The following LYRM4 variants were observed in gnomAD, a reference collection of about 807,000 sequenced individuals.
The protein encoded by LYRM4 is LYR motif containing 4, also known as LYR motif-containing protein 4.
In LYRM4, 9 loss-of-function variants were observed where a neutral mutation model predicts 11.7. The observed-to-expected ratio is 0.77, with a 90% CI of 0.46 to 1.34. The LOEUF is 1.34. Among genes scored for constraint, LYRM4 ranks in the 40% most tolerant of loss-of-function variants. The probability of loss-of-function intolerance (pLI) is 0.00; values close to 1 mark genes in which losing one functional copy is unlikely to be tolerated. For synonymous variants in LYRM4, 42 were observed against 40.4 expected (o/e 1.04, Z -0.15); for missense variants, 133 against 112.5 (o/e 1.18, Z -0.82).
intron 2 of LYRM4, among the ~76,000 whole-genome samples, chr6:5,118,094 A>ATATATATATATATATATATTT: frequency 3.9e-4 from 34 of 86,124 alleles, no homozygotes; most frequent in African/African-American, 9.4e-4. Context: ...ATATATATAT[A>ATATATATATATATATATATTT]TTTTTGTTTT....
At chr6:5,146,493 G>C (rs1757732151) in intron 2 of LYRM4, among the ~76,000 whole-genome samples, 1 of 152,166 alleles carries the variant, frequency 6.6e-6, no homozygotes, top group African/African-American at 2.4e-5. Flanking sequence ...TATACCCCCA[G>C]GCAGGACCTG....
chr6:5,075,626 A>G, the LYRM4 span, among the ~76,000 whole-genome samples: 6 of 152,236 alleles, frequency 3.9e-5, no homozygotes, highest in South Asian at 1.2e-3. Context: ...GCATAGAAAT[A>G]AGATCAAGTG....
intron 2 of LYRM4, among the ~76,000 whole-genome samples, chr6:5,213,985 T>C (rs1762119284): frequency 6.6e-6 from 1 of 152,234 alleles, no homozygotes; most frequent in African/African-American, 2.4e-5. Flanking sequence ...TTAAATATCT[T>C]GCTCAGAGTG....
chr6:5,074,622 CTT>C, the LYRM4 span, among the ~76,000 whole-genome samples: 28 of 138,258 alleles, frequency 2.0e-4, no homozygotes, highest in African/African-American at 6.6e-4. Flanking sequence ...GCTTTTCTTT[CTT>C]TTTTTTTTTT....
At position 5,260,867 on chromosome 6, in the gene LYRM4, C is replaced by A. The variant is rs770045441; in HGVS notation, c.-134G>T. 2.3e-5 allele frequency: 34 copies of A among 1,460,158 alleles called. No homozygotes were observed. Among genetic ancestry groups the A allele is most frequent in the Non-Finnish European group, 3.0e-5 (33 of 1,112,058 alleles). 90.5% of individuals were successfully genotyped at this position (1,460,158 alleles called of 1,614,324 possible). On this transcript the variant is annotated 5_prime_UTR_variant, in exon 1 of 3. Coordinates refer to ENST00000330636, the MANE Select transcript of LYRM4 (RefSeq NM_020408.6). ...GGCTCGGCTTTGCCAGCGGGCCGGG[C>A]CTAAGCCTAAGCGGGCAGCCCTGCG...
chr6:5,253,664 C>T lies in LYRM4; in HGVS notation c.86+6984G>A, dbSNP rs139263591. ...GCCTTGAAGATGAGGAGCCTAGTCG[C>T]CGGCCATTGGAAGTTGTCACCGACC... On this transcript the variant is annotated intron_variant, in intron 1 of 2. Transcript: ENST00000330636. Among the ~76,000 whole-genome samples the T allele has an allele frequency of 3.3e-3, 506 of 152,136 alleles. 5 individuals are homozygous for T. Among genetic ancestry groups the T allele is most frequent in the African/African-American group, 0.011 (455 of 41,512 alleles).
the LYRM4 span, among the ~76,000 whole-genome samples, chr6:5,063,115 T>G: frequency 6.6e-6 from 1 of 152,150 alleles, no homozygotes; most frequent in Non-Finnish European, 1.5e-5. Flanking sequence ...CTGTGGACAT[T>G]TTCCCTCAAT....
chr6:5,165,764 A>T (rs1160616711), intron 2 of LYRM4, among the ~76,000 whole-genome samples: 4 of 152,154 alleles, frequency 2.6e-5, no homozygotes, highest in Non-Finnish European at 4.4e-5. Flanking sequence ...AGTGGTCTCG[A>T]ATTCCTGACC....
At chr6:5,162,449 G>A (rs1188285659) in intron 2 of LYRM4, among the ~76,000 whole-genome samples, 1 of 152,034 alleles carries the variant, frequency 6.6e-6, no homozygotes, top group Non-Finnish European at 1.5e-5. Context: ...GTGGCCCTGG[G>A]TCAGGGATGT....
At chr6:5,237,534 C>A (rs1459783832) in intron 1 of LYRM4, among the ~76,000 whole-genome samples, 2 of 152,014 alleles carry the variant, frequency 1.3e-5, no homozygotes, top group Non-Finnish European at 2.9e-5. Context: ...CTTGAATTAT[C>A]CTGAAACCAT....
chr6:5,109,220 T>C lies in LYRM4; in HGVS notation c.*203A>G. The C allele has an allele frequency of 7.0e-7, 1 of 1,426,730 alleles. No individual in the cohort carries two copies. Among genetic ancestry groups the C allele is most frequent in the Non-Finnish European group, 9.2e-7 (1 of 1,090,186 alleles). The allele number at this position is 1,426,730 out of a possible 1,614,324, so 88.4% of individuals were successfully genotyped here. On this transcript the variant is annotated 3_prime_UTR_variant, in exon 3 of 3. Transcript: ENST00000330636. ...ATTCTGAACGAACTCCAGCTCTCCA[T>C]TCTAACACTTGAACCAAGGAAAGAC...
intron 2 of LYRM4, among the ~76,000 whole-genome samples, chr6:5,168,715 C>A (rs78419975): frequency 0.014 from 2,108 of 152,162 alleles, 42 homozygotes; most frequent in African/African-American, 0.046. Context: ...ATTGTATTTT[C>A]CGGCAATGGA....
intron 1 of LYRM4, among the ~76,000 whole-genome samples, chr6:5,258,184 G>A (rs1764772845): frequency 6.6e-6 from 1 of 152,192 alleles, no homozygotes; most frequent in Admixed American, 6.5e-5. Context: ...TGAGACTGGA[G>A]GAGCAGACAG....
Position 5,245,808 on chromosome 6 carries a change from C to T in LYRM4, c.86+14840G>A, listed in dbSNP as rs115665523. Reference sequence around the variant, plus strand: ...GCAGAGTGCCTTGCTGGGGTCCAGGCGAGTGAGTGCAGAAGATCTTAAGAC... The same window carrying T: ...GCAGAGTGCCTTGCTGGGGTCCAGGTGAGTGAGTGCAGAAGATCTTAAGAC... On this transcript the variant is annotated intron_variant, in intron 1 of 2. Coordinates refer to ENST00000330636, the MANE Select transcript of LYRM4 (RefSeq NM_020408.6). Among the ~76,000 whole-genome samples the T allele has an allele frequency of 4.4e-3, 672 of 152,216 alleles. 2 individuals carry two copies. The highest frequency in any genetic ancestry group is 0.015 in the African/African-American group (634 of 41,532).
At chr6:5,086,689 G>T in the LYRM4 span, 1 of 759,658 alleles carries the variant, frequency 1.3e-6, no homozygotes, top group Non-Finnish European at 2.1e-6. Context: ...GCGCGTGGAG[G>T]GAAAGGAGGG....
At chr6:5,230,197 A>G (rs17139841) in intron 1 of LYRM4, among the ~76,000 whole-genome samples, 7,457 of 152,254 alleles carry the variant, frequency 0.049, 601 homozygotes, top group African/African-American at 0.16. Flanking sequence ...TGGTGGCTGT[A>G]GCTAAGATCC....
chr6:5,245,107 AAAAAAAATATATATATATATATATAT>A (rs1369750554), intron 1 of LYRM4, among the ~76,000 whole-genome samples: 12 of 49,698 alleles, frequency 2.4e-4, no homozygotes, highest in African/African-American at 6.8e-4. Flanking sequence ...AAAAAAAAAA[AAAAAAAATATATATATATATATATAT>A]ATATATATAT....
At chr6:5,141,146 G>T (rs1183623416) in intron 2 of LYRM4, among the ~76,000 whole-genome samples, 1 of 152,256 alleles carries the variant, frequency 6.6e-6, no homozygotes, top group Non-Finnish European at 1.5e-5. Context: ...AGATGGCACT[G>T]TTGAGGGTAC....
chr6:5,124,655 G>A (rs1763620722), intron 2 of LYRM4, among the ~76,000 whole-genome samples: 1 of 152,146 alleles, frequency 6.6e-6, no homozygotes, highest in Non-Finnish European at 1.5e-5. Flanking sequence ...ATCAACAGTG[G>A]GCGGCAGACT....
Sources: allele counts gnomAD v4.1 joint callset (sites outside exome capture counted in the v4.1 genomes callset), GRCh38; gene constraint gnomAD v4.1.1; transcripts MANE v1.5; gene names NCBI Gene and HGNC (gene_info 2026-07-23, HGNC 2026-07-21).